Variants in NEGR1 observed in about 807,000 individuals in gnomAD.
The protein encoded by NEGR1 is IgLON family member 4.
In NEGR1, 10 loss-of-function variants were observed where a neutral mutation model predicts 40.9. The ratio of observed to expected loss-of-function variants is 0.24; its 90% CI spans 0.15 to 0.42. NEGR1 has a LOEUF of 0.42. Among genes scored for constraint, NEGR1 ranks in the 10% least tolerant of loss-of-function variants. NEGR1 has a pLI of 1.00. For synonymous variants in NEGR1, 185 were observed against 166.8 expected, an observed-to-expected ratio of 1.11 and a Z score of -0.84; for missense variants, 352 against 438.9, an observed-to-expected ratio of 0.80 and a Z score of 1.77.
intron 5 of NEGR1, among the ~76,000 whole-genome samples, chr1:71,610,024 C>T (rs1650203405): frequency 6.6e-6 from 1 of 152,182 alleles, no homozygotes; most frequent in African/African-American, 2.4e-5. Flanking sequence ...TTTGCTTCCC[C>T]TTCCACTGTG....
chr1:71,931,320 T>C (rs1337143267), intron 2 of NEGR1, among the ~76,000 whole-genome samples: 1 of 152,186 alleles, frequency 6.6e-6, no homozygotes, highest in Non-Finnish European at 1.5e-5. Flanking sequence ...TATCTATGAG[T>C]GTCTAATTTG....
intron 6 of NEGR1, among the ~76,000 whole-genome samples, chr1:71,525,007 C>T (rs1041257616): frequency 3.3e-5 from 5 of 151,656 alleles, no homozygotes; most frequent in African/African-American, 1.2e-4. Context: ...GTCAGGGAGA[C>T]CCATTTTGGA....
intron 2 of NEGR1, among the ~76,000 whole-genome samples, chr1:71,908,241 G>A (rs894698176): frequency 1.3e-5 from 2 of 151,710 alleles, no homozygotes; most frequent in African/African-American, 4.8e-5. Context: ...ATATTGTTTG[G>A]TTAATCTCAG....
intron 1 of NEGR1, among the ~76,000 whole-genome samples, chr1:71,952,964 A>AT (rs1045354058): frequency 1.4e-4 from 22 of 151,806 alleles, no homozygotes; most frequent in Non-Finnish European, 2.7e-4. Context: ...CAGGAAAAAA[A>AT]AAAAAAAAAG....
intron 3 of NEGR1, among the ~76,000 whole-genome samples, chr1:71,732,196 T>C (rs1011360109): frequency 1.3e-4 from 20 of 152,066 alleles, no homozygotes; most frequent in African/African-American, 4.6e-4. Context: ...TAGTCGCAGC[T>C]ACTTGGAGGA....
intron 1 of NEGR1, among the ~76,000 whole-genome samples, chr1:72,279,118 A>G (rs1236450018): frequency 6.6e-6 from 1 of 152,158 alleles, no homozygotes; most frequent in African/African-American, 2.4e-5. Context: ...TAAAAATATT[A>G]AAATTATTAA....
At position 72,149,069 on chromosome 1, in the gene NEGR1, A is replaced by G. The variant is rs187864446; in HGVS notation, c.176+133250T>C. On this transcript the variant is annotated intron_variant, in intron 1 of 6. Coordinates refer to ENST00000357731, the MANE Select transcript of NEGR1 (RefSeq NM_173808.3). ...TTCATGCTGCTGATAAAGACATACC[A>G]ATAACTGGGAACAAAAAGATATTTA... 3.4e-3 allele frequency among the ~76,000 whole-genome samples: 519 copies of G among 152,270 alleles called. 2 individuals are homozygous for G. Among genetic ancestry groups the G allele is most frequent in the Admixed American group, 6.7e-3 (103 of 15,278 alleles).
intron 2 of NEGR1, among the ~76,000 whole-genome samples, chr1:71,816,498 G>A (rs1213816001): frequency 1.3e-5 from 2 of 152,022 alleles, no homozygotes; most frequent in East Asian, 1.9e-4. Context: ...GTAAGCAAGC[G>A]AGCTTGTGCA....
chr1:71,497,328 C>T (rs1218814611), intron 6 of NEGR1, among the ~76,000 whole-genome samples: 2 of 152,046 alleles, frequency 1.3e-5, no homozygotes, highest in Admixed American at 6.6e-5. Flanking sequence ...GAAATTATAC[C>T]ACATATGTGT....
intron 1 of NEGR1, among the ~76,000 whole-genome samples, chr1:72,230,289 T>G (rs1654321619): frequency 6.6e-6 from 1 of 152,182 alleles, no homozygotes. Context: ...AAAATTATCT[T>G]TGGTCTAATA....
intron 1 of NEGR1, among the ~76,000 whole-genome samples, chr1:72,052,497 C>T (rs1055250539): frequency 7.3e-5 from 11 of 151,488 alleles, no homozygotes; most frequent in East Asian, 3.9e-4. Flanking sequence ...AATTCCACTT[C>T]GTATTATTGT....
chr1:71,942,477 A>C (rs1331102407), intron 1 of NEGR1, among the ~76,000 whole-genome samples: 2 of 14,916 alleles, frequency 1.3e-4, no homozygotes, highest in Admixed American at 9.6e-4. Context: ...ATATATATAT[A>C]TATATATTTT....
chr1:71,807,947 T>C (rs1657840270), intron 2 of NEGR1, among the ~76,000 whole-genome samples: 1 of 152,160 alleles, frequency 6.6e-6, no homozygotes, highest in South Asian at 2.1e-4. Context: ...TCCAAGAAAA[T>C]ATCTACTATC....
intron 1 of NEGR1, among the ~76,000 whole-genome samples, chr1:72,052,314 T>C (rs1647069521): frequency 6.6e-6 from 1 of 151,394 alleles, no homozygotes; most frequent in Non-Finnish European, 1.5e-5. Flanking sequence ...GGCTTTAAAA[T>C]TGAACACAGG....
chr1:71,529,618 C>A (rs1325820478), intron 6 of NEGR1, among the ~76,000 whole-genome samples: 3 of 150,818 alleles, frequency 2.0e-5, no homozygotes, highest in Non-Finnish European at 4.5e-5. Context: ...TTGTTTTTTT[C>A]AAAAAGTAAA....
At chr1:71,577,529 T>C (rs1026539189) in intron 6 of NEGR1, among the ~76,000 whole-genome samples, 1 of 152,172 alleles carries the variant, frequency 6.6e-6, no homozygotes, top group Admixed American at 6.5e-5. Flanking sequence ...TCAATACACA[T>C]AGTAGTGGCC....
At chr1:71,610,888 C>G in intron 5 of NEGR1, 138 bp downstream of exon 5, 1 of 776,904 alleles carries the variant, frequency 1.3e-6, no homozygotes, top group Non-Finnish European at 2.1e-6. Flanking sequence ...CACGTGGGCC[C>G]CTTCAGTTTG....
intron 6 of NEGR1, among the ~76,000 whole-genome samples, chr1:71,509,045 A>T (rs1647055430): frequency 6.6e-6 from 1 of 152,212 alleles, no homozygotes; most frequent in African/African-American, 2.4e-5. Flanking sequence ...CCATAAAAGG[A>T]TAAAAATAAG....
At chr1:71,587,620 T>C (rs1030701355) in intron 6 of NEGR1, among the ~76,000 whole-genome samples, 9 of 150,720 alleles carry the variant, frequency 6.0e-5, no homozygotes, top group South Asian at 2.1e-4. Flanking sequence ...AATGCTTTGT[T>C]ACTTTGAATA....
Sources: gnomAD v4.1 joint callset for allele counts (sites outside exome capture counted in the v4.1 genomes callset) on GRCh38, gnomAD v4.1.1 for gene constraint, MANE v1.5 for transcripts, NCBI Gene and HGNC (gene_info 2026-07-23, HGNC 2026-07-21) for gene names.